The following CPXM2 variants were observed in gnomAD, a reference collection of about 807,000 sequenced individuals.
CPXM2 encodes the protein inactive carboxypeptidase-like protein X2.
CPXM2 carries 66 observed loss-of-function variants against 86.1 expected under a neutral mutation model. That is an observed-to-expected ratio of 0.77 (90% CI 0.63 to 0.94). The LOEUF is 0.94. Ranked by LOEUF, CPXM2 falls within the 40% of genes least tolerant of loss-of-function variation. CPXM2 has a pLI of 0.00. For synonymous variants in CPXM2, 388 were observed against 400.2 expected, an observed-to-expected ratio of 0.97 and a Z score of 0.36; for missense variants, 948 against 1,026.3, an observed-to-expected ratio of 0.92 and a Z score of 1.04.
chr10:123,752,316 G>A, intron 13 of CPXM2: 1 of 984,854 alleles, frequency 1.0e-6, no homozygotes, highest in Non-Finnish European at 1.2e-6. Context: ...TATTCAGTGT[G>A]AAGCCTCATG....
At chr10:123,867,770 T>G (rs1280179483) in intron 2 of CPXM2, among the ~76,000 whole-genome samples, 1 of 152,170 alleles carries the variant, frequency 6.6e-6, no homozygotes, top group Non-Finnish European at 1.5e-5. Context: ...TGACCTCAGG[T>G]GATCTGCCCG....
intron 2 of CPXM2, among the ~76,000 whole-genome samples, chr10:123,934,916 C>G (rs1231776483): frequency 6.6e-6 from 1 of 152,178 alleles, no homozygotes; most frequent in African/African-American, 2.4e-5. Context: ...TTCTGTCAGG[C>G]CACAGTGAGG....
chr10:123,911,518 G>A (rs1225942594), intron 2 of CPXM2, among the ~76,000 whole-genome samples: 1 of 151,468 alleles, frequency 6.6e-6, no homozygotes, highest in Admixed American at 6.6e-5. Flanking sequence ...TTTGCCATTA[G>A]TTTTAAAGGC....
chr10:123,918,008 T>A (rs1293826314), intron 2 of CPXM2, among the ~76,000 whole-genome samples: 4 of 152,104 alleles, frequency 2.6e-5, no homozygotes, highest in African/African-American at 9.7e-5. Context: ...AGGGCAGGTG[T>A]GAGAGAGAGT....
intron 3 of CPXM2, among the ~76,000 whole-genome samples, chr10:123,845,758 A>C (rs1485592039): frequency 2.0e-5 from 3 of 152,226 alleles, no homozygotes; most frequent in Non-Finnish European, 4.4e-5. Flanking sequence ...ACACCATGGA[A>C]TATCATTTTG....
chr10:123,890,533 CA>C (rs910484940), intron 1 of CPXM2, among the ~76,000 whole-genome samples: 1 of 152,258 alleles, frequency 6.6e-6, no homozygotes, highest in African/African-American at 2.4e-5. Flanking sequence ...AATTTGGCCA[CA>C]TTCCTGCTCA....
chr10:123,809,444 G>A (rs779507080), intron 4 of CPXM2, among the ~76,000 whole-genome samples: 2 of 152,134 alleles, frequency 1.3e-5, no homozygotes, highest in Non-Finnish European at 2.9e-5. Flanking sequence ...TAGTCATAGT[G>A]CATGATAAGT....
chr10:123,771,794 T>TCA (rs1279074530), intron 7 of CPXM2, among the ~76,000 whole-genome samples: 3 of 152,174 alleles, frequency 2.0e-5, no homozygotes, highest in Non-Finnish European at 4.4e-5. Flanking sequence ...CTTCTGATAG[T>TCA]GAGTTCTCAC....
chr10:123,850,472 C>T (rs1240950926), intron 3 of CPXM2, among the ~76,000 whole-genome samples: 1 of 152,218 alleles, frequency 6.6e-6, no homozygotes, highest in Admixed American at 6.5e-5. Flanking sequence ...AAAAATCTCA[C>T]ACCGTTTCTC....
chr10:123,880,828 CAAA>C (rs71484548), intron 1 of CPXM2, among the ~76,000 whole-genome samples: 9 of 54,008 alleles, frequency 1.7e-4, no homozygotes, highest in African/African-American at 3.9e-4. Flanking sequence ...GATTCCGTCT[CAAA>C]AAAAAAAAAA....
Position 123,842,155 on chromosome 10 carries a change from G to A in CPXM2, c.653+194C>T, listed in dbSNP as rs181895442. Among the ~76,000 whole-genome samples, 308 of 152,322 alleles carry A rather than the reference G, an allele frequency of 2.0e-3. 5 individuals carry two copies. Among genetic ancestry groups the A allele is most frequent in the Non-Finnish European group, 4.3e-4 (29 of 68,036 alleles). On this transcript the variant is annotated intron_variant, in intron 4 of 13. Transcript: ENST00000241305. ...CACTCCTGTACAGGGGGAGGGTGTC[G>A]TTCTGAAACGCACCATCCCCCCCAG...
intron 4 of CPXM2, among the ~76,000 whole-genome samples, chr10:123,811,325 T>TA (rs1372764276): frequency 6.6e-6 from 1 of 152,052 alleles, no homozygotes; most frequent in Non-Finnish European, 1.5e-5. Context: ...CAGGCCCTGG[T>TA]GTGTGATGTT....
intron 3 of CPXM2, among the ~76,000 whole-genome samples, chr10:123,855,926 A>G (rs1275232146): frequency 1.3e-5 from 2 of 152,140 alleles, no homozygotes; most frequent in African/African-American, 4.8e-5. Context: ...AAGAGCTGCA[A>G]GAGGTGAGCC....
intron 2 of CPXM2, among the ~76,000 whole-genome samples, chr10:123,903,086 C>T (rs1055219714): frequency 3.3e-5 from 5 of 152,202 alleles, no homozygotes; most frequent in Admixed American, 6.5e-5. Flanking sequence ...ATGATTGCAG[C>T]GGGTGAGGTC....
At chr10:123,813,936 C>T (rs368548240) in intron 4 of CPXM2, among the ~76,000 whole-genome samples, 1 of 152,180 alleles carries the variant, frequency 6.6e-6, no homozygotes, top group South Asian at 2.1e-4. Context: ...ACCTTGGCCA[C>T]AGTGGAATAC....
chr10:123,768,376 AAAATAAATAAATAAATAAATAAAT>A (rs57827983), intron 9 of CPXM2, 126 bp downstream of exon 9: 14 of 322,084 alleles, frequency 4.3e-5, no homozygotes, highest in Middle Eastern at 8.2e-4. Context: ...TCCGACTCAA[AAAATAAATAAATAAATAAATAAAT>A]AAATAAATAA....
intron 3 of CPXM2, among the ~76,000 whole-genome samples, chr10:123,860,650 C>A (rs1457500265): frequency 6.6e-6 from 1 of 152,180 alleles, no homozygotes; most frequent in African/African-American, 2.4e-5. Context: ...AATTAATGCA[C>A]AAAACAGGCT....
intron 3 of CPXM2, among the ~76,000 whole-genome samples, 175 bp downstream of exon 3, chr10:123,862,439 C>T (rs539694549): frequency 2.0e-5 from 3 of 152,340 alleles, no homozygotes; most frequent in Non-Finnish European, 4.4e-5. Flanking sequence ...GAAGACATTG[C>T]CTCCCTGAGT....
intron 3 of CPXM2, among the ~76,000 whole-genome samples, chr10:123,847,369 A>T (rs1196724052): frequency 6.6e-6 from 1 of 152,150 alleles, no homozygotes; most frequent in African/African-American, 2.4e-5. Context: ...TACCAAAAAT[A>T]TAGAACATTT....
Sources: gnomAD v4.1 joint callset for allele counts (sites outside exome capture counted in the v4.1 genomes callset) on GRCh38, gnomAD v4.1.1 for gene constraint, MANE v1.5 for transcripts, NCBI Gene and HGNC (gene_info 2026-07-23, HGNC 2026-07-21) for gene names.